Variants in DNAJB12 observed in about 807,000 individuals in gnomAD.
DNAJB12 encodes DnaJ heat shock protein family (Hsp40) member B12.
In DNAJB12, 14 loss-of-function variants were observed where a neutral mutation model predicts 40.6. The observed-to-expected ratio is 0.34, with a 90% confidence interval of 0.23 to 0.54. The LOEUF (loss-of-function observed/expected upper bound fraction) is 0.54. Ranked by LOEUF, DNAJB12 falls within the 20% of genes least tolerant of loss-of-function variation. The pLI is 0.92. For missense variants in DNAJB12, 444 were observed against 501.7 expected, an observed-to-expected ratio of 0.89 and a Z score of 1.10; for synonymous variants, 181 against 199.5, an observed-to-expected ratio of 0.91 and a Z score of 0.78.
chr10:72,337,636 G>T (rs746161783), intron 6 of DNAJB12, among the ~76,000 whole-genome samples: 1 of 152,204 alleles, frequency 6.6e-6, no homozygotes, highest in Non-Finnish European at 1.5e-5. Flanking sequence ...CCATTTTATA[G>T]ATGAGGAAAC....
chr10:72,343,737 G>A (rs994838744), intron 2 of DNAJB12, among the ~76,000 whole-genome samples: 7 of 152,000 alleles, frequency 4.6e-5, no homozygotes, highest in African/African-American at 9.7e-5. Context: ...GAAGAACACC[G>A]TCTGGATTCT....
Position 72,336,788 on chromosome 10 carries a change from G to A in DNAJB12, c.834-92C>T. 4.7e-6 allele frequency: 5 copies of A among 1,059,644 alleles called. No individual in the cohort carries two copies. The Admixed American group carries it at 1.1e-4, about 23-fold the overall frequency. The allele number at this position is 1,059,644 out of a possible 1,614,324, so 65.6% of individuals were successfully genotyped here. ...GCCCCAAGACAGGAGGTGCCGCACA[G>A]ACCAGAGGAGTAGTTGGTTCCCTCT... On this transcript the variant is annotated intron_variant, in intron 6 of 8. Transcript: ENST00000444643.
In DNAJB12 at chr10:72,343,374, G is replaced by C; in HGVS notation, c.449C>G (p.Ala150Gly). ...DKNHAPGATE[A>G]FKAIGTAYAV... is the part of the protein sequence containing the mutation. Reference sequence around the variant, plus strand: ...AAGCAGGGCTGGCTTACCTTTGAAGGCTTCAGTGGCACCAGGTGCGTGGTT... The same window carrying C: ...AAGCAGGGCTGGCTTACCTTTGAAGCCTTCAGTGGCACCAGGTGCGTGGTT... Residue 150 changes from alanine to glycine, a missense_variant, in exon 3 of 9, where the codon GCC becomes GGC. By Grantham distance (60) the Ala-to-Gly change is moderately conservative. Transcript: ENST00000444643. The C allele has an allele frequency of 6.2e-7, 1 of 1,613,314 alleles. No individual in the cohort carries two copies.
intron 5 of DNAJB12, among the ~76,000 whole-genome samples, chr10:72,339,714 A>AT (rs1861577397): frequency 6.6e-6 from 1 of 150,796 alleles, no homozygotes; most frequent in African/African-American, 2.5e-5. Flanking sequence ...TATAATTTTT[A>AT]TACTTTTTTT....
At chr10:72,336,944 G>T in intron 6 of DNAJB12, 1 of 364,960 alleles carries the variant, frequency 2.7e-6, no homozygotes, top group Non-Finnish European at 5.0e-6. Context: ...TGCTGACCTG[G>T]GGCCTTTGGG....
rs145740880 is a variant in DNAJB12, at chr10:72,354,824, T to C, written c.74A>G (p.Asp25Gly). Residue 25 changes from aspartate (D) to glycine (G), a missense_variant, in exon 1 of 9, where the codon GAC becomes GGC. Physicochemically the swap from Asp to Gly is moderately conservative, Grantham distance 94. Coordinates refer to ENST00000444643, the MANE Select transcript of DNAJB12 (RefSeq NM_017626.7). ...CTTCTCCAGGAAGCGGAGCGCCCGG[T>C]CGGGCTGGTTGCTCTGGATGGCCTT... The part of the protein sequence containing the change: ...ALKAIQSNQP[D>G]RALRFLEKAQ... 88 of 1,613,846 alleles carry C rather than the reference T, an allele frequency of 5.5e-5. No individual in the cohort carries two copies. Among genetic ancestry groups the C allele is most frequent in the Non-Finnish European group, 6.9e-5 (82 of 1,179,896 alleles).
At chr10:72,344,365 C>A (rs556428877) in intron 2 of DNAJB12, among the ~76,000 whole-genome samples, 1 of 152,176 alleles carries the variant, frequency 6.6e-6, no homozygotes, top group Non-Finnish European at 1.5e-5. Flanking sequence ...GTGGCATGAC[C>A]CTGGGGGATT....
intron 8 of DNAJB12, 87 bp from the exon 9 acceptor site, chr10:72,334,704 A>C (rs933999107): frequency 3.0e-5 from 44 of 1,471,546 alleles, no homozygotes; most frequent in Non-Finnish European, 3.8e-5. Context: ...CCCCCTTGCC[A>C]CTGCACCGCT....
At chr10:72,340,496 G>A (rs1861602803) in intron 5 of DNAJB12, among the ~76,000 whole-genome samples, 2 of 152,352 alleles carry the variant, frequency 1.3e-5, no homozygotes, top group Non-Finnish European at 2.9e-5. Flanking sequence ...GGTCTGCATG[G>A]GAGCCTCACA....
intron 2 of DNAJB12, among the ~76,000 whole-genome samples, chr10:72,344,588 T>C (rs2131994089): frequency 6.6e-6 from 1 of 152,262 alleles, no homozygotes; most frequent in Admixed American, 6.5e-5. Flanking sequence ...GGGATGTGGG[T>C]TGGGGTAGAA....
intron 5 of DNAJB12, among the ~76,000 whole-genome samples, chr10:72,339,248 A>AG (rs1861561976): frequency 6.6e-6 from 1 of 150,778 alleles, no homozygotes; most frequent in Non-Finnish European, 1.5e-5. Context: ...CAAAAAAAAA[A>AG]AAAAAAGGCC....
Position 72,335,951 on chromosome 10 carries a change from G to A in DNAJB12, c.1007-20C>T, listed in dbSNP as rs899541976. 2 of 1,613,832 alleles carry A rather than the reference G, an allele frequency of 1.2e-6. No homozygotes were observed. ...CTTCCTCTGCAAAGCAATGGGACAGGGTTAGTGCACACCCAGTACCTCCCG... is the reference window on the plus strand; with the variant it reads ...CTTCCTCTGCAAAGCAATGGGACAGAGTTAGTGCACACCCAGTACCTCCCG... On this transcript the variant is annotated intron_variant, in intron 7 of 8. Coordinates refer to ENST00000444643, the MANE Select transcript of DNAJB12 (RefSeq NM_017626.7). This position sits in a 1 kb window ranked among gnomAD's most constrained non-coding sequence, Gnocchi z 4.4.
At chr10:72,351,066 C>T (rs1272333495) in intron 1 of DNAJB12, among the ~76,000 whole-genome samples, 1 of 152,200 alleles carries the variant, frequency 6.6e-6, no homozygotes, top group East Asian at 1.9e-4. Context: ...CAAGGAACCT[C>T]AGGATCATCC....
intron 5 of DNAJB12, 96 bp from the exon 6 acceptor site, chr10:72,338,407 G>T (rs950443079): frequency 3.5e-5 from 34 of 977,692 alleles, no homozygotes; most frequent in Non-Finnish European, 5.4e-5. Flanking sequence ...GGAGCCTGGG[G>T]AGACATGACA....
At chr10:72,349,145 T>C (rs1343736487) in intron 1 of DNAJB12, among the ~76,000 whole-genome samples, 1 of 152,020 alleles carries the variant, frequency 6.6e-6, no homozygotes. Flanking sequence ...TTCCTAGCAG[T>C]GTGACCCTGG....
Position 72,341,121 on chromosome 10 carries a change from C to T in DNAJB12, c.507G>A (p.Gln169=), listed in dbSNP as rs1861626537. 1 of 1,613,958 alleles carries T rather than the reference C, an allele frequency of 6.2e-7. No homozygotes were observed. Among genetic ancestry groups the T allele is most frequent in the African/African-American group, 1.3e-5 (1 of 74,948 alleles). The change falls in exon 4 of 9, where the codon CAG becomes CAA. Residue 169 remains glutamine, a synonymous_variant. Transcript: ENST00000444643. ...AVLSNPEKRK[Q]YDQFGDDKSQ... is the part of the protein sequence containing the mutation. ...TCTTGTCATCGCCGAACTGGTCATACTGCTTCCTCTTCTCCGGGTTGCTGA... is the reference window on the plus strand; with the variant it reads ...TCTTGTCATCGCCGAACTGGTCATATTGCTTCCTCTTCTCCGGGTTGCTGA...
chr10:72,339,805 C>T (rs1238045899), intron 5 of DNAJB12, among the ~76,000 whole-genome samples: 1 of 151,252 alleles, frequency 6.6e-6, no homozygotes, highest in Non-Finnish European at 1.5e-5. Context: ...CCTCTGCCTC[C>T]TGGGTTCAAG....
At chr10:72,353,096 G>C (rs1195914484) in intron 1 of DNAJB12, among the ~76,000 whole-genome samples, 1 of 152,216 alleles carries the variant, frequency 6.6e-6, no homozygotes. Context: ...ATGCATGCAG[G>C]TGGTTCTTCT....
At chr10:72,340,026 C>T (rs561404611) in intron 5 of DNAJB12, among the ~76,000 whole-genome samples, 14 of 152,200 alleles carry the variant, frequency 9.2e-5, no homozygotes, top group Admixed American at 7.2e-4. Context: ...CAAGAAGAGT[C>T]GGCACCTATG....
Sources: gnomAD v4.1 joint callset for allele counts (sites outside exome capture counted in the v4.1 genomes callset) on GRCh38, gnomAD v4.1.1 for gene constraint, Gnocchi (gnomAD v3.1) non-coding constraint, MANE v1.5 for transcripts, NCBI Gene and HGNC (gene_info 2026-07-23, HGNC 2026-07-21) for gene names.